Variants in PLEKHA8 observed in about 807,000 individuals in gnomAD.
PLEKHA8 encodes the protein pleckstrin homology domain-containing family A member 8.
In PLEKHA8, 36 loss-of-function variants were observed where a neutral mutation model predicts 68.2. That is an observed-to-expected ratio of 0.53 (90% confidence interval 0.40 to 0.70). The LOEUF is 0.70. PLEKHA8 is among the 30% of genes least tolerant of loss of function. The pLI, the probability that PLEKHA8 is intolerant of heterozygous loss-of-function variation, is 0.00. For missense variants in PLEKHA8, 505 were observed against 615.4 expected, an observed-to-expected ratio of 0.82 and a Z score of 1.90; for synonymous variants, 211 against 216.1, an observed-to-expected ratio of 0.98 and a Z score of 0.20.
intron 12 of PLEKHA8, among the ~76,000 whole-genome samples, chr7:30,067,625 G>T (rs1244289362): frequency 6.6e-6 from 1 of 152,182 alleles, no homozygotes; most frequent in Non-Finnish European, 1.5e-5. Context: ...AATTTGCGTA[G>T]TTCATTATGT....
chr7:30,073,988 T>TTA, intron 12 of PLEKHA8, 83 bp from the exon 13 acceptor site: 1 of 899,970 alleles, frequency 1.1e-6, no homozygotes, highest in Non-Finnish European at 1.6e-6. Context: ...CCTGTCTCTT[T>TTA]AAAAAAAAAA....
At position 30,028,484 on chromosome 7, in the gene PLEKHA8, C is replaced by A; in HGVS notation, c.-279C>A. 1 of 345,432 alleles carries A rather than the reference C, an allele frequency of 2.9e-6. No homozygotes were observed. Among genetic ancestry groups the A allele is most frequent in the Admixed American group, 4.8e-5 (1 of 20,928 alleles). 21.4% of individuals were successfully genotyped at this position (345,432 alleles called of 1,614,324 possible). A position where few individuals can be genotyped will look rare whatever the true frequency, so the allele number is the denominator to read the frequency against. On this transcript the variant is annotated 5_prime_UTR_variant, in exon 1 of 14. Coordinates refer to ENST00000449726, the MANE Select transcript of PLEKHA8 (RefSeq NM_001197026.2). ...TGGAGGCTTCGGCTGCCCCTCCGACCCACGTAGGGCCCGGACCCGGGCCTC... is the reference window on the plus strand; with the variant it reads ...TGGAGGCTTCGGCTGCCCCTCCGACACACGTAGGGCCCGGACCCGGGCCTC...
chr7:30,072,611 A>G (rs1311096657), intron 12 of PLEKHA8, among the ~76,000 whole-genome samples: 1 of 152,252 alleles, frequency 6.6e-6, no homozygotes, highest in Non-Finnish European at 1.5e-5. Flanking sequence ...TTTTCACTGC[A>G]TAGGAACTTG....
downstream of PLEKHA8, among the ~76,000 whole-genome samples, chr7:30,087,652 G>A (rs1422332762): frequency 6.6e-6 from 1 of 152,122 alleles, no homozygotes; most frequent in Non-Finnish European, 1.5e-5. Flanking sequence ...CTTGATCTCT[G>A]GATTCTCTGC....
In PLEKHA8 at chr7:30,083,925, G is replaced by C. The variant is rs1203951022; in HGVS notation, c.*5138G>C. On this transcript the variant is annotated 3_prime_UTR_variant, in exon 14 of 14. Transcript: ENST00000449726. ...TGCGTGTCTGTTTATAGGTGTATATGGAGTCAGTGTTGATAGGAAGGATGC... is the reference window on the plus strand; with the variant it reads ...TGCGTGTCTGTTTATAGGTGTATATCGAGTCAGTGTTGATAGGAAGGATGC... The C allele has an allele frequency of 1.0e-6, 1 of 985,332 alleles. No homozygotes were observed. The highest frequency in any genetic ancestry group is 1.7e-5 in the African/African-American group (1 of 57,224). 61.0% of individuals were successfully genotyped at this position (985,332 alleles called of 1,614,324 possible).
At chr7:30,114,218 A>G (rs906806386) in intron 13 of PLEKHA8, among the ~76,000 whole-genome samples, 2 of 152,112 alleles carry the variant, frequency 1.3e-5, no homozygotes, top group Non-Finnish European at 2.9e-5. Flanking sequence ...TTTTGTTACA[A>G]TAGTAGCTAA....
At position 30,084,246 on chromosome 7, in the gene PLEKHA8, A is replaced by C; in HGVS notation, c.*5459A>C. 1 of 985,334 alleles carries C rather than the reference A, an allele frequency of 1.0e-6. No homozygotes were observed. The highest frequency in any genetic ancestry group is 1.2e-6 in the Non-Finnish European group (1 of 829,826). 61.0% of individuals were successfully genotyped at this position (985,334 alleles called of 1,614,324 possible). A position where few individuals can be genotyped will look rare whatever the true frequency, so the allele number is the denominator to read the frequency against. ...TGGATTAATTTTTAAGTCACTGTTT[A>C]ATTCCATGCCTAGTATTCTTATGAA... On this transcript the variant is annotated 3_prime_UTR_variant, in exon 14 of 14. Coordinates refer to ENST00000449726, the MANE Select transcript of PLEKHA8 (RefSeq NM_001197026.2).
chr7:30,112,922 A>T (rs956225003), intron 13 of PLEKHA8, among the ~76,000 whole-genome samples: 5 of 151,974 alleles, frequency 3.3e-5, no homozygotes, highest in African/African-American at 4.8e-5. Flanking sequence ...AAAAATTAAC[A>T]TATATGCTTG....
chr7:30,050,666 C>T (rs1385139662), intron 6 of PLEKHA8, 192 bp downstream of exon 6: 1 of 631,936 alleles, frequency 1.6e-6, no homozygotes, highest in Non-Finnish European at 2.4e-6. Flanking sequence ...TTACTTAGCA[C>T]TAATAGGGAA....
downstream of PLEKHA8, among the ~76,000 whole-genome samples, chr7:30,094,790 C>T (rs1056260678): frequency 6.7e-5 from 10 of 149,588 alleles, no homozygotes; most frequent in Non-Finnish European, 1.2e-4. Flanking sequence ...GTTTTTTGTC[C>T]TCGTGATAAT....
At chr7:30,090,267 C>T in exon 13 of PLEKHA8, 1 of 1,435,100 alleles carries the variant, frequency 7.0e-7, no homozygotes, top group Non-Finnish European at 9.5e-7. Context: ...CACCAAGGGA[C>T]CTCAAACTTC....
intron 13 of PLEKHA8, among the ~76,000 whole-genome samples, chr7:30,103,891 C>A (rs1334390113): frequency 1.3e-5 from 2 of 152,096 alleles, no homozygotes; most frequent in Non-Finnish European, 2.9e-5. Flanking sequence ...AATTGGACTT[C>A]ATCAAAACTA....
At chr7:30,029,155 G>A in intron 1 of PLEKHA8, among the ~76,000 whole-genome samples, 1 of 152,224 alleles carries the variant, frequency 6.6e-6, no homozygotes, top group Non-Finnish European at 1.5e-5. Flanking sequence ...TTTTGGCGAA[G>A]GAACCGTACT....
At chr7:30,092,383 G>T (rs1735273724), downstream of PLEKHA8, among the ~76,000 whole-genome samples, 1 of 152,020 alleles carries the variant, frequency 6.6e-6, no homozygotes, top group South Asian at 2.1e-4. Context: ...ATTCACTGCT[G>T]CCCCTAGTCT....
chr7:30,059,595 CT>C (rs1793271245), intron 9 of PLEKHA8, among the ~76,000 whole-genome samples: 1 of 149,106 alleles, frequency 6.7e-6, no homozygotes, highest in African/African-American at 2.5e-5. Context: ...TTTTAGTATT[CT>C]GTTTTATTTC....
intron 13 of PLEKHA8, among the ~76,000 whole-genome samples, chr7:30,112,144 T>C (rs2128018010): frequency 6.6e-6 from 1 of 152,276 alleles, no homozygotes; most frequent in East Asian, 1.9e-4. Flanking sequence ...AATGAAAACA[T>C]GAACAATTCA....
In PLEKHA8 at chr7:30,049,430, T is replaced by G. The variant is rs768149161; in HGVS notation, c.597+48T>G. The stretch of plus-strand genomic sequence containing the variant: ...CTGCAACAAGGCATCAAGAAAAGTT[T>G]CAAAGTTTATAGTGAGTTATGTTCT... On this transcript the variant is annotated intron_variant, in intron 5 of 13. Transcript: ENST00000449726. 111 of 1,595,418 alleles carry G rather than the reference T, an allele frequency of 7.0e-5. 2 individuals are homozygous for G. The South Asian group carries it at 1.2e-3, about 18-fold the overall frequency.
At chr7:30,126,294 C>G (rs768135817) in intron 13 of PLEKHA8, among the ~76,000 whole-genome samples, 1 of 152,188 alleles carries the variant, frequency 6.6e-6, no homozygotes, top group Non-Finnish European at 1.5e-5. Flanking sequence ...CACTTTAAAA[C>G]ATAGACTCTT....
intron 9 of PLEKHA8, among the ~76,000 whole-genome samples, chr7:30,057,298 C>G (rs1185520463): frequency 6.6e-6 from 1 of 152,108 alleles, no homozygotes. Flanking sequence ...TTTTTTGCCT[C>G]TGGCTTTTCT....
Sources: allele counts gnomAD v4.1 joint callset (sites outside exome capture counted in the v4.1 genomes callset), GRCh38; gene constraint gnomAD v4.1.1; transcripts MANE v1.5; gene names NCBI Gene and HGNC (gene_info 2026-07-23, HGNC 2026-07-21).